KCNK6: variants seen among roughly 807,000 people sequenced by gnomAD.
KCNK6 encodes the protein potassium channel subfamily K member 6.
KCNK6 carries 20 observed loss-of-function variants against 21.9 expected under a neutral mutation model. The ratio of observed to expected loss-of-function variants is 0.91; its 90% CI spans 0.64 to 1.32. The LOEUF is 1.32. KCNK6 is among the 40% of genes most tolerant of loss of function. The pLI is 0.00. For missense variants in KCNK6, 415 were observed against 433.1 expected (o/e 0.96, Z 0.37); for synonymous variants, 210 against 218.0 (o/e 0.96, Z 0.32).
chr19:38,325,878 G>A (rs1194711200), intron 1 of KCNK6, among the ~76,000 whole-genome samples: 1 of 152,106 alleles, frequency 6.6e-6, no homozygotes, highest in Admixed American at 6.6e-5. Context: ...GCAGGGAAGG[G>A]GCATGACTGA....
Position 38,329,912 on chromosome 19 carries a change from C to T in KCNK6, c.*2509C>T, listed in dbSNP as rs1425456732. 1 of 152,362 alleles carries T rather than the reference C, an allele frequency of 6.6e-6. No homozygotes were observed. The highest frequency in any genetic ancestry group is 2.4e-5 in the African/African-American group (1 of 41,458). 9.4% of individuals were successfully genotyped at this position (152,362 alleles called of 1,614,324 possible). A position where few individuals can be genotyped will look rare whatever the true frequency, so the allele number is the denominator to read the frequency against. ...GCCCCCACAGACTGGAGGGACGCGG[C>T]TAGGGAATGTCCCACAGAGTGGCCA... On this transcript the variant is annotated 3_prime_UTR_variant, in exon 3 of 3. Transcript: ENST00000263372.
rs1003799893 is a variant in KCNK6 at position 38,328,852 on chromosome 19, A to AAGAGAGAAAGAAAGAAAGAAAG, written c.*1473_*1494dup. 7.0e-6 allele frequency: 1 copy of AAGAGAGAAAGAAAGAAAGAAAG among 143,030 alleles called. No homozygotes were observed. The highest frequency in any genetic ancestry group is 1.5e-5 in the Non-Finnish European group (1 of 64,826). The allele number at this position is 143,030 out of a possible 1,614,324, so 8.9% of individuals were successfully genotyped here. A position where few individuals can be genotyped will look rare whatever the true frequency, so the allele number is the denominator to read the frequency against. On this transcript the variant is annotated 3_prime_UTR_variant, in exon 3 of 3. Coordinates refer to ENST00000263372, the MANE Select transcript of KCNK6 (RefSeq NM_004823.3). The stretch of plus-strand genomic sequence containing the variant: ...ACAGAGTGAGACCCTGTCTGAAAGA[A>AAGAGAGAAAGAAAGAAAGAAAG]AGAGAGAAAGAAAGAAAGAAAGAGA...
At chr19:38,325,514 C>A in intron 1 of KCNK6, 1 of 985,440 alleles carries the variant, frequency 1.0e-6, no homozygotes, top group South Asian at 4.7e-5. Flanking sequence ...GATCGAGCGC[C>A]CACAGCAGTG....
rs1375192064 is a variant in KCNK6 at position 38,329,291 on chromosome 19, C to T, written c.*1888C>T. On this transcript the variant is annotated 3_prime_UTR_variant, in exon 3 of 3. Transcript: ENST00000263372. ...AAGAAGCGGGGCACAGTGGCTCAGT[C>T]CTGTAATCCCAGCACCTTGGGAAGG... 1 of 151,776 alleles carries T rather than the reference C, an allele frequency of 6.6e-6. No homozygotes were observed. The highest frequency in any genetic ancestry group is 1.5e-5 in the Non-Finnish European group (1 of 67,996). The allele number at this position is 151,776 out of a possible 1,614,324, so 9.4% of individuals were successfully genotyped here.
rs1969772024 is a variant in KCNK6 at position 38,332,065 on chromosome 19, T to A, written c.*4662T>A. 6.6e-6 allele frequency: 1 copy of A among 152,206 alleles called. No individual in the cohort carries two copies. The highest frequency in any genetic ancestry group is 1.5e-5 in the Non-Finnish European group (1 of 68,048). 9.4% of individuals were successfully genotyped at this position (152,206 alleles called of 1,614,324 possible). On this transcript the variant is annotated 3_prime_UTR_variant, in exon 3 of 3. Coordinates refer to ENST00000263372, the MANE Select transcript of KCNK6 (RefSeq NM_004823.3). ...TGGCACTCAATAAAATGTTGACTAA[T>A]GATGATTCTCACTTCTGTACTATGC...
In KCNK6 at chr19:38,326,807, C is replaced by T. The variant is rs368336056; in HGVS notation, c.537C>T (p.Val179=). The change falls in exon 2 of 3, where the codon GTC becomes GTT. Residue 179 remains valine (V), a synonymous_variant. Transcript: ENST00000263372. ...GGCACTTGGTGGCCCTGTTGGGGGT[C>T]GTAGTGACCGTCTGCTTTCTGGTGC... The part of the protein sequence containing the change: ...ACWHLVALLG[V]VVTVCFLVPA... 8.7e-6 allele frequency: 14 copies of T among 1,607,326 alleles called. No homozygotes were observed. The highest frequency in any genetic ancestry group is 2.2e-5 in the East Asian group (1 of 44,884).
At position 38,320,145 on chromosome 19, in the gene KCNK6, A is replaced by T; in HGVS notation, c.195A>T (p.Arg65=). ...AAPALDAFVE[R]VLAAGRLGRV... ...CCGCCCTGGACGCCTTCGTGGAGCG[A>T]GTGCTGGCGGCCGGACGGCTGGGGC... The change falls in exon 1 of 3, where the codon CGA becomes CGT. Residue 65 remains arginine (R), a synonymous_variant. Transcript: ENST00000263372. 1 of 1,594,036 alleles carries T rather than the reference A, an allele frequency of 6.3e-7. No individual in the cohort carries two copies. Among genetic ancestry groups the T allele is most frequent in the Non-Finnish European group, 8.5e-7 (1 of 1,177,062 alleles).
rs1355534005 is a variant in KCNK6 at position 38,327,220 on chromosome 19, G to A, written c.759G>A (p.Leu253=). The A allele has an allele frequency of 6.2e-7, 1 of 1,613,286 alleles. No homozygotes were observed. Among genetic ancestry groups the A allele is most frequent in the Non-Finnish European group, 8.5e-7 (1 of 1,180,034 alleles). Residue 253 remains leucine (L), a synonymous_variant, in exon 3 of 3, where the codon CTG becomes CTA. Coordinates refer to ENST00000263372, the MANE Select transcript of KCNK6 (RefSeq NM_004823.3). The part of the protein sequence containing the change: ...FLGLVAMVLV[L]QTFRHVSDLH... ...GCCTGGTGGCCATGGTGCTGGTGCT[G>A]CAGACCTTCCGCCACGTGTCCGACC...
At position 38,319,897 on chromosome 19, in the gene KCNK6, G is replaced by A. The variant is rs1476860488; in HGVS notation, c.-54G>A. ...GAACTAGGTGCCAGACGGTCCGGAG[G>A]CGGGGGCCACGTCAGCGGGGCCACC... is the stretch of plus-strand genomic sequence containing the variant. On this transcript the variant is annotated 5_prime_UTR_variant, in exon 1 of 3. Coordinates refer to ENST00000263372, the MANE Select transcript of KCNK6 (RefSeq NM_004823.3). 2 of 1,360,470 alleles carry A rather than the reference G, an allele frequency of 1.5e-6. No individual in the cohort carries two copies. The highest frequency in any genetic ancestry group is 3.1e-5 in the East Asian group (1 of 32,660). 84.3% of individuals were successfully genotyped at this position (1,360,470 alleles called of 1,614,324 possible).
chr19:38,324,335 C>A (rs952884272), intron 1 of KCNK6, among the ~76,000 whole-genome samples: 1 of 152,192 alleles, frequency 6.6e-6, no homozygotes, highest in Admixed American at 6.5e-5. Flanking sequence ...TGATACACCT[C>A]AAATTACAGT....
intron 1 of KCNK6, 67 bp downstream of exon 1, chr19:38,320,339 G>A: frequency 1.3e-6 from 2 of 1,543,008 alleles, no homozygotes; most frequent in East Asian, 4.6e-5. Context: ...AACCCCTGGG[G>A]ACCCCGGGGC....
Position 38,326,967 on chromosome 19 carries a change from C to G in KCNK6, c.697C>G (p.Leu233Val). 2 of 1,603,710 alleles carry G rather than the reference C, an allele frequency of 1.2e-6. No individual in the cohort carries two copies. Among genetic ancestry groups the G allele is most frequent in the African/African-American group, 1.3e-5 (1 of 74,976 alleles). ...GGCCCCTGGCCAGCCCTACCGGGCC[C>G]TCTACAAGGTGCTGGTCACAGGTGA... is the stretch of plus-strand genomic sequence containing the variant. ...GEAPGQPYRA[L>V]YKVLVTVYLF... is the part of the protein sequence containing the mutation. The change falls in exon 2 of 3, where the codon CTC (leucine) becomes GTC (valine). Residue 233 changes from leucine to valine, a missense_variant. Transcript: ENST00000263372.
chr19:38,326,220 C>T (rs1405900749), intron 1 of KCNK6, among the ~76,000 whole-genome samples: 6 of 151,996 alleles, frequency 3.9e-5, no homozygotes, highest in East Asian at 3.9e-4. Context: ...TGTGGGTGTC[C>T]GCAGACCTCT....
Position 38,325,775 on chromosome 19 carries a change from G to A in KCNK6, c.323-818G>A, listed in dbSNP as rs375156342. On this transcript the variant is annotated intron_variant, in intron 1 of 2. Coordinates refer to ENST00000263372, the MANE Select transcript of KCNK6 (RefSeq NM_004823.3). Reference sequence around the variant, plus strand: ...AGTGCAATGGCCCTGGGGTGGGAGCGTGCTGCCCTGGTGGACCCTGTGGGG... The same window carrying A: ...AGTGCAATGGCCCTGGGGTGGGAGCATGCTGCCCTGGTGGACCCTGTGGGG... 1.6e-4 allele frequency among the ~76,000 whole-genome samples: 24 copies of A among 152,290 alleles called. 1 individual carries two copies. The highest frequency in any genetic ancestry group is 1.2e-3 in the Admixed American group (18 of 15,284).
intron 1 of KCNK6, among the ~76,000 whole-genome samples, chr19:38,321,980 T>C: frequency 6.6e-6 from 1 of 152,228 alleles, no homozygotes; most frequent in Non-Finnish European, 1.5e-5. Flanking sequence ...ATGGAGATAA[T>C]AACACTCCCC....
At chr19:38,323,360 C>T (rs1025194896) in intron 1 of KCNK6, among the ~76,000 whole-genome samples, 2 of 152,176 alleles carry the variant, frequency 1.3e-5, no homozygotes, top group Non-Finnish European at 2.9e-5. Context: ...ACCAATTAAA[C>T]GTGATTCAGA....
chr19:38,327,636 C>T lies in KCNK6; in HGVS notation c.*233C>T. 1.7e-6 allele frequency: 1 copy of T among 577,898 alleles called. No homozygotes were observed. The highest frequency in any genetic ancestry group is 3.1e-6 in the Non-Finnish European group (1 of 321,974). 35.8% of individuals were successfully genotyped at this position (577,898 alleles called of 1,614,324 possible). A position where few individuals can be genotyped will look rare whatever the true frequency, so the allele number is the denominator to read the frequency against. The stretch of plus-strand genomic sequence containing the variant: ...AACATAACCTTGTTCTCTGTCCTTT[C>T]TCTCATCCTCTTTACACTGTGTCTC... On this transcript the variant is annotated 3_prime_UTR_variant, in exon 3 of 3. Transcript: ENST00000263372.
In KCNK6 at chr19:38,331,498, A is replaced by C. The variant is rs1001721465; in HGVS notation, c.*4095A>C. On this transcript the variant is annotated 3_prime_UTR_variant, in exon 3 of 3. Coordinates refer to ENST00000263372, the MANE Select transcript of KCNK6 (RefSeq NM_004823.3). ...AAATTAGCTGGGTGCGGTGGCACGC[A>C]CCTGTGATCCCAGCTACTCGGGAGG... The C allele has an allele frequency of 6.6e-6, 1 of 151,394 alleles. No individual in the cohort carries two copies. The highest frequency in any genetic ancestry group is 1.5e-5 in the Non-Finnish European group (1 of 67,880). The allele number at this position is 151,394 out of a possible 1,614,324, so 9.4% of individuals were successfully genotyped here. A position where few individuals can be genotyped will look rare whatever the true frequency, so the allele number is the denominator to read the frequency against.
At position 38,331,819 on chromosome 19, in the gene KCNK6, C is replaced by T. The variant is rs1048093572; in HGVS notation, c.*4416C>T. On this transcript the variant is annotated 3_prime_UTR_variant, in exon 3 of 3. Transcript: ENST00000263372. Reference sequence around the variant, plus strand: ...ATTTTTCACTCTACACAAGTAGTACCTAATATGGTGAGGTTGTTATGATTA... The same window carrying T: ...ATTTTTCACTCTACACAAGTAGTACTTAATATGGTGAGGTTGTTATGATTA... 1.3e-5 allele frequency: 2 copies of T among 152,132 alleles called. No homozygotes were observed. Among genetic ancestry groups the T allele is most frequent in the African/African-American group, 2.4e-5 (1 of 41,400 alleles). The allele number at this position is 152,132 out of a possible 1,614,324, so 9.4% of individuals were successfully genotyped here.
Sources: gnomAD v4.1 joint callset for allele counts (sites outside exome capture counted in the v4.1 genomes callset) on GRCh38, gnomAD v4.1.1 for gene constraint, MANE v1.5 for transcripts, NCBI Gene and HGNC (gene_info 2026-07-23, HGNC 2026-07-21) for gene names.